CAMTA1: variants seen among roughly 807,000 people sequenced by gnomAD.
CAMTA1 encodes the protein calmodulin binding transcription activator 1, also known as calmodulin-binding transcription activator 1.
A neutral mutation model predicts 170.9 loss-of-function variants in CAMTA1; 27 were observed. That is an observed-to-expected ratio of 0.16 (90% CI 0.12 to 0.22). The LOEUF is 0.22. CAMTA1 is among the 10% of genes least tolerant of loss of function. The probability of loss-of-function intolerance (pLI) is 1.00; values close to 1 mark genes in which losing one functional copy is unlikely to be tolerated. For missense variants in CAMTA1, 1,619 were observed against 2,217.2 expected (o/e 0.73, Z 5.42); for synonymous variants, 833 against 891.5 (o/e 0.93, Z 1.17).
At chr1:6,886,253 G>C (rs1178895021) in intron 3 of CAMTA1, 1 of 455,976 alleles carries the variant, frequency 2.2e-6, no homozygotes, top group Non-Finnish European at 4.4e-6. Context: ...TTAAAATTTT[G>C]GTAGCAGAAA....
rs1033007993 is a variant in CAMTA1 at position 7,565,068 on chromosome 1, G to C, written c.511-75332G>C. 5.3e-5 allele frequency among the ~76,000 whole-genome samples: 8 copies of C among 151,868 alleles called. No individual in the cohort carries two copies. The East Asian group carries it at 1.6e-3, about 30-fold the overall frequency. On this transcript the variant is annotated intron_variant, in intron 6 of 22. Transcript: ENST00000303635. The surrounding 1 kb of genome is among the most constrained non-coding windows in gnomAD (Gnocchi z 4.5). ...GGCAAGGCCCCTCAGGGAGGTGAGG[G>C]ACCCAAAGCAGAGGGGCTGTGGGTG...
At chr1:7,424,185 T>C (rs2091747770) in intron 5 of CAMTA1, among the ~76,000 whole-genome samples, 6 of 152,138 alleles carry the variant, frequency 3.9e-5, no homozygotes, top group Admixed American at 3.3e-4. Flanking sequence ...GCCCCTCAGG[T>C]GCAGCCATTG....
In CAMTA1 at chr1:7,333,806, C is replaced by A. The variant is rs545444580; in HGVS notation, c.438+84180C>A. The stretch of plus-strand genomic sequence containing the variant: ...GCCGTTTGCAGTCTCTTGAATAAAG[C>A]ATTTTTGTAGCCTCCTCAAAATCCT... On this transcript the variant is annotated intron_variant, in intron 5 of 22. Transcript: ENST00000303635. This position sits in a 1 kb window ranked among gnomAD's most constrained non-coding sequence, Gnocchi z 4.4. Among the ~76,000 whole-genome samples, 2 of 152,320 alleles carry A rather than the reference C, an allele frequency of 1.3e-5. No individual in the cohort carries two copies. The highest frequency in any genetic ancestry group is 4.1e-4 in the South Asian group (2 of 4,830).
At chr1:6,852,048 C>T (rs570944928) in intron 3 of CAMTA1, among the ~76,000 whole-genome samples, 6 of 148,550 alleles carry the variant, frequency 4.0e-5, no homozygotes, top group East Asian at 1.9e-4. Context: ...AGAAAAACTA[C>T]GTACTACATT....
At chr1:7,709,398 G>A (rs536030057) in intron 11 of CAMTA1, among the ~76,000 whole-genome samples, 20 of 152,316 alleles carry the variant, frequency 1.3e-4, no homozygotes, top group African/African-American at 3.1e-4. Flanking sequence ...ATCCTACTCC[G>A]TGCCTTTGGT....
intron 10 of CAMTA1, among the ~76,000 whole-genome samples, chr1:7,676,753 A>T (rs934556388): frequency 6.6e-6 from 1 of 152,152 alleles, no homozygotes; most frequent in Non-Finnish European, 1.5e-5. Flanking sequence ...CACACCCACC[A>T]TTGCCCACGG....
intron 4 of CAMTA1, among the ~76,000 whole-genome samples, chr1:7,231,123 A>G (rs1662716102): frequency 6.6e-6 from 1 of 151,860 alleles, no homozygotes; most frequent in African/African-American, 2.4e-5. Flanking sequence ...CTACCTCCCT[A>G]AGTAGGATAA....
At chr1:7,284,166 T>A (rs1671958574) in intron 5 of CAMTA1, among the ~76,000 whole-genome samples, 1 of 118,450 alleles carries the variant, frequency 8.4e-6, no homozygotes, top group Non-Finnish European at 1.7e-5. Flanking sequence ...CTTCTTCTTC[T>A]TCTTCTTCTT....
At chr1:7,526,330 A>G (rs2094431510) in intron 6 of CAMTA1, among the ~76,000 whole-genome samples, 1 of 152,004 alleles carries the variant, frequency 6.6e-6, no homozygotes, top group Admixed American at 6.5e-5. Flanking sequence ...CCACTGCACC[A>G]AAGCCCCAGG....
At chr1:7,458,232 A>T (rs2093006698) in intron 5 of CAMTA1, among the ~76,000 whole-genome samples, 1 of 152,058 alleles carries the variant, frequency 6.6e-6, no homozygotes, top group Admixed American at 6.5e-5. Flanking sequence ...AGGGCTTCTG[A>T]TGAGGGAGAC....
At chr1:7,766,410 AATTCACT>A (rs1461406209) in intron 22 of CAMTA1, 42 bp from the exon 23 acceptor site, 7 of 1,596,516 alleles carry the variant, frequency 4.4e-6, no homozygotes, top group Non-Finnish European at 6.0e-6. Context: ...ACTTGGTCAC[AATTCACT>A]ATAGAGTTAT....
At chr1:7,666,737 G>A (rs1014020580) in intron 9 of CAMTA1, among the ~76,000 whole-genome samples, 5 of 152,096 alleles carry the variant, frequency 3.3e-5, no homozygotes, top group African/African-American at 4.8e-5. Context: ...CTTCTTCCCC[G>A]CTGGCAAAGC....
intron 5 of CAMTA1, among the ~76,000 whole-genome samples, chr1:7,301,287 A>C (rs1401910340): frequency 2.0e-5 from 3 of 152,240 alleles, no homozygotes; most frequent in Non-Finnish European, 2.9e-5. Flanking sequence ...CGAGAGGTGT[A>C]GATTTTAATT....
chr1:7,109,344 A>C (rs1643880037), intron 4 of CAMTA1, among the ~76,000 whole-genome samples: 1 of 152,232 alleles, frequency 6.6e-6, no homozygotes, highest in African/African-American at 2.4e-5. Context: ...GGCAAAGTGT[A>C]GGAAGAACAG....
At chr1:6,913,173 T>C (rs1680079446) in intron 3 of CAMTA1, among the ~76,000 whole-genome samples, 1 of 152,200 alleles carries the variant, frequency 6.6e-6, no homozygotes, top group South Asian at 2.1e-4. Context: ...AGGGGTCGTA[T>C]TTTAGAGGCC....
intron 3 of CAMTA1, among the ~76,000 whole-genome samples, chr1:6,835,419 C>T (rs1258496749): frequency 6.6e-6 from 1 of 152,052 alleles, no homozygotes; most frequent in Non-Finnish European, 1.5e-5. Context: ...AGAAGCTGAG[C>T]CTGGTTGGAA....
chr1:7,452,444 G>A (rs1261016204), intron 5 of CAMTA1, among the ~76,000 whole-genome samples: 1 of 152,198 alleles, frequency 6.6e-6, no homozygotes, highest in East Asian at 1.9e-4. Flanking sequence ...TTACAGTGTT[G>A]TACCGTCATC....
chr1:6,806,732 TATTCTGGTTAATATAC>T (rs1216840019), intron 1 of CAMTA1, among the ~76,000 whole-genome samples: 4 of 152,230 alleles, frequency 2.6e-5, no homozygotes, highest in African/African-American at 4.8e-5. Context: ...AAAAATGTGG[TATTCTGGTTAATATAC>T]ATTCTGGTTA....
At chr1:6,917,610 AC>A (rs1256706976) in intron 3 of CAMTA1, among the ~76,000 whole-genome samples, 3 of 151,942 alleles carry the variant, frequency 2.0e-5, no homozygotes, top group African/African-American at 7.3e-5. Flanking sequence ...CTGTTTTGGC[AC>A]CCACTGCCAT....
Sources: allele counts gnomAD v4.1 joint callset (sites outside exome capture counted in the v4.1 genomes callset), GRCh38; gene constraint gnomAD v4.1.1; non-coding constraint Gnocchi (gnomAD v3.1); transcripts MANE v1.5; gene names NCBI Gene and HGNC (gene_info 2026-07-23, HGNC 2026-07-21).